VCAN: variants seen among roughly 807,000 people sequenced by gnomAD.
VCAN encodes versican.
A neutral mutation model predicts 245.5 loss-of-function variants in VCAN; 44 were observed. The observed-to-expected ratio is 0.18, with a 90% CI of 0.14 to 0.23. VCAN has a LOEUF of 0.23. VCAN is among the 10% of genes least tolerant of loss of function. The pLI, the probability that VCAN is intolerant of heterozygous loss-of-function variation, is 1.00. For missense variants in VCAN, 3,793 were observed against 4,057.9 expected (o/e 0.93, Z 1.77); for synonymous variants, 1,413 against 1,437.0 (o/e 0.98, Z 0.38).
At position 83,482,157 on chromosome 5, in the gene VCAN, A is replaced by T. The variant is rs185849697; in HGVS notation, c.-6-1356A>T. Among the ~76,000 whole-genome samples, 412 of 152,304 alleles carry T rather than the reference A, an allele frequency of 2.7e-3. 2 individuals carry two copies. The highest frequency in any genetic ancestry group is 9.5e-3 in the African/African-American group (396 of 41,570). On this transcript the variant is annotated intron_variant, in intron 1 of 14. Transcript: ENST00000265077. Reference sequence around the variant, plus strand: ...AAGGACTTACGCCTTGCCTTTGCTGATTCTTTCTCAGCTTCATTTCCAGAG... The same window carrying T: ...AAGGACTTACGCCTTGCCTTTGCTGTTTCTTTCTCAGCTTCATTTCCAGAG...
Position 83,512,367 on chromosome 5 carries a change from A to G in VCAN, c.1013A>G (p.Asp338Gly), listed in dbSNP as rs747405836. ...FENQTGFPPP[D>G]SRFDAYCFKP... ...AACCAGACAGGCTTCCCTCCCCCTG[A>G]TAGCAGATTTGATGCCTACTGCTTT... Residue 338 changes from aspartate (D) to glycine (G), a missense_variant, in exon 6 of 15, where the codon GAT becomes GGT. By Grantham distance (94) the Asp-to-Gly change is moderately conservative. Transcript: ENST00000265077. 5 of 1,611,862 alleles carry G rather than the reference A, an allele frequency of 3.1e-6. No individual in the cohort carries two copies. Among genetic ancestry groups the G allele is most frequent in the South Asian group, 1.1e-5 (1 of 91,006 alleles).
At position 83,571,499 on chromosome 5, in the gene VCAN, C is replaced by T. The variant is rs114465810; in HGVS notation, c.9736-917C>T. ...TATTATAGATGCTAAATAAATGACA[C>T]ATATGATGGAAGGCAAAAGATATTT... On this transcript the variant is annotated intron_variant, in intron 12 of 14. Transcript: ENST00000265077. 3.3e-3 allele frequency among the ~76,000 whole-genome samples: 505 copies of T among 152,076 alleles called. 2 individuals are homozygous for T. Among genetic ancestry groups the T allele is most frequent in the Non-Finnish European group, 5.8e-3 (391 of 67,972 alleles).
chr5:83,512,043 C>A, intron 5 of VCAN, 60 bp from the exon 6 acceptor site: 1 of 1,604,596 alleles, frequency 6.2e-7, no homozygotes, highest in Non-Finnish European at 8.5e-7. Flanking sequence ...CCATATTTAT[C>A]CAACAGGAAA....
At position 83,521,643 on chromosome 5, in the gene VCAN, A is replaced by G. The variant is rs781031143; in HGVS notation, c.3337A>G (p.Lys1113Glu). 1.2e-6 allele frequency: 2 copies of G among 1,613,822 alleles called. No individual in the cohort carries two copies. Among genetic ancestry groups the G allele is most frequent in the Admixed American group, 1.7e-5 (1 of 59,996 alleles). ...SYPPGAVTEH[K>E]VKTDEVVTLT... ...TCCACCAGGTGCTGTAACTGAGCACAAAGTGAAAACAGATGAAGTGGTAAC... is the reference window on the plus strand; with the variant it reads ...TCCACCAGGTGCTGTAACTGAGCACGAAGTGAAAACAGATGAAGTGGTAAC... Residue 1113 changes from lysine to glutamate, a missense_variant, in exon 7 of 15, where the codon AAA becomes GAA. By Grantham distance (56) the Lys-to-Glu change is moderately conservative (BLOSUM62 1). Coordinates refer to ENST00000265077, the MANE Select transcript of VCAN (RefSeq NM_004385.5).
rs1036888805 is a variant in VCAN, at chr5:83,495,271, G to A, written c.748+1340G>A. ...AATTGAATAAGCAATCTTAGAGCCC[G>A]AAAGCTAGAATATAAGCAGCTTATA... On this transcript the variant is annotated intron_variant, in intron 5 of 14. Coordinates refer to ENST00000265077, the MANE Select transcript of VCAN (RefSeq NM_004385.5). 2.6e-5 allele frequency among the ~76,000 whole-genome samples: 4 copies of A among 152,230 alleles called. No homozygotes were observed. The East Asian group carries it at 5.8e-4, about 22-fold the overall frequency.
intron 7 of VCAN, among the ~76,000 whole-genome samples, chr5:83,524,172 CA>C (rs532576024): frequency 1.7e-4 from 26 of 149,860 alleles, no homozygotes; most frequent in African/African-American, 5.6e-4. Context: ...TGGCAGTCAT[CA>C]AAAAAAAAGA....
At chr5:83,532,120 G>T (rs951638402) in intron 7 of VCAN, among the ~76,000 whole-genome samples, 4 of 151,984 alleles carry the variant, frequency 2.6e-5, no homozygotes, top group Non-Finnish European at 4.4e-5. Flanking sequence ...TCTCCATTTC[G>T]GAATGAGATA....
In VCAN at chr5:83,538,379, C is replaced by T. The variant is rs1267203244; in HGVS notation, c.5376C>T (p.Val1792=). 2 of 1,614,002 alleles carry T rather than the reference C, an allele frequency of 1.2e-6. No individual in the cohort carries two copies. Among genetic ancestry groups the T allele is most frequent in the South Asian group, 2.2e-5 (2 of 91,082 alleles). The change falls in exon 8 of 15, where the codon GTC becomes GTT. Residue 1792 remains valine, a synonymous_variant. Coordinates refer to ENST00000265077, the MANE Select transcript of VCAN (RefSeq NM_004385.5). ...GGGAAATGACAGATTCTACTCCTGT[C>T]TTTACAGAAACAAATACATTAGAAA... ...SEREMTDSTP[V]FTETNTLENL... is the part of the protein sequence containing the mutation.
chr5:83,512,640 T>A, intron 6 of VCAN: 1 of 513,786 alleles, frequency 1.9e-6, no homozygotes, highest in Middle Eastern at 5.2e-4. Flanking sequence ...GTAACTGTGC[T>A]CTGTTGTGTC....
At chr5:83,579,856 C>T in intron 13 of VCAN, 124 bp from the exon 14 acceptor site, 1 of 1,053,746 alleles carries the variant, frequency 9.5e-7, no homozygotes, top group South Asian at 1.5e-5. Flanking sequence ...ATTCTTAATT[C>T]TAAAAGATTG....
intron 12 of VCAN, among the ~76,000 whole-genome samples, chr5:83,567,578 G>T (rs10051509): frequency 6.6e-6 from 1 of 152,184 alleles, no homozygotes; most frequent in African/African-American, 2.4e-5. Context: ...GGGATAACAG[G>T]CATGAGACAC....
At chr5:83,531,147 A>G (rs1212049608) in intron 7 of VCAN, among the ~76,000 whole-genome samples, 1 of 152,182 alleles carries the variant, frequency 6.6e-6, no homozygotes, top group Non-Finnish European at 1.5e-5. Context: ...AGGAGATTTT[A>G]AACTAGAAGG....
intron 5 of VCAN, among the ~76,000 whole-genome samples, chr5:83,510,270 T>C (rs7727329): frequency 0.13 from 20,079 of 152,268 alleles, 1,733 homozygotes; most frequent in Middle Eastern, 0.18. Flanking sequence ...CAATTTTAGA[T>C]ATATAGTGAG....
intron 7 of VCAN, among the ~76,000 whole-genome samples, chr5:83,535,287 G>A (rs1043663333): frequency 1.3e-5 from 2 of 151,958 alleles, no homozygotes; most frequent in African/African-American, 2.4e-5. Flanking sequence ...ACTGTAGTGT[G>A]TAAAATTTCA....
At chr5:83,513,618 A>C (rs764066015) in intron 6 of VCAN, among the ~76,000 whole-genome samples, 9 of 152,218 alleles carry the variant, frequency 5.9e-5, no homozygotes, top group Non-Finnish European at 1.3e-4. Context: ...TGGTCGCTCC[A>C]TAAAGACTGT....
Position 83,540,453 on chromosome 5 carries a change from A to C in VCAN, c.7450A>C (p.Thr2484Pro). ...AGCTGTTACTGCTGATGGATTCCCAACAGTTTCAGTGATGCTGCCTCTTCA... is the reference window on the plus strand; with the variant it reads ...AGCTGTTACTGCTGATGGATTCCCACCAGTTTCAGTGATGCTGCCTCTTCA... ...AKAVTADGFP[T>P]VSVMLPLHSE... The change falls in exon 8 of 15, where the codon ACA becomes CCA. Residue 2484 changes from threonine to proline, a missense_variant. Transcript: ENST00000265077. 6.2e-7 allele frequency: 1 copy of C among 1,613,994 alleles called. No individual in the cohort carries two copies. The highest frequency in any genetic ancestry group is 8.5e-7 in the Non-Finnish European group (1 of 1,179,940).
chr5:83,552,459 A>G (rs1747505010), intron 10 of VCAN, among the ~76,000 whole-genome samples: 1 of 152,200 alleles, frequency 6.6e-6, no homozygotes, highest in Non-Finnish European at 1.5e-5. Flanking sequence ...GTGGATGAGC[A>G]ATTCTGTGGG....
In VCAN at chr5:83,533,031, A is replaced by G. The variant is rs140235107; in HGVS notation, c.4004-3976A>G. Among the ~76,000 whole-genome samples, 987 of 152,272 alleles carry G rather than the reference A, an allele frequency of 6.5e-3. 13 individuals are homozygous for G. Among genetic ancestry groups the G allele is most frequent in the African/African-American group, 0.022 (928 of 41,560 alleles). On this transcript the variant is annotated intron_variant, in intron 7 of 14. Transcript: ENST00000265077. ...CTGCTTCCTTTTACCATCTATATGC[A>G]TCCCATAACATCATATTGTAAACCT... is the stretch of plus-strand genomic sequence containing the variant.
At chr5:83,527,759 G>C (rs528559806) in intron 7 of VCAN, among the ~76,000 whole-genome samples, 2 of 152,260 alleles carry the variant, frequency 1.3e-5, no homozygotes, top group Admixed American at 6.5e-5. Context: ...TTAAGAAATT[G>C]AAAGTGTTTT....
Sources: allele counts gnomAD v4.1 joint callset (sites outside exome capture counted in the v4.1 genomes callset), GRCh38; gene constraint gnomAD v4.1.1; transcripts MANE v1.5; gene names NCBI Gene and HGNC (gene_info 2026-07-23, HGNC 2026-07-21).